Variants in GFRA1 observed in about 807,000 individuals in gnomAD.
The protein encoded by GFRA1 is GDNF family receptor alpha 1.
GFRA1 carries 16 observed loss-of-function variants against 51.6 expected under a neutral mutation model. The ratio of observed to expected loss-of-function variants is 0.31; its 90% confidence interval spans 0.21 to 0.47. GFRA1 has a LOEUF of 0.47. GFRA1 is among the 20% of genes least tolerant of loss of function. The pLI, the probability that GFRA1 is intolerant of heterozygous loss-of-function variation, is 1.00. For synonymous variants in GFRA1, 270 were observed against 241.3 expected (o/e 1.12, Z -1.10); for missense variants, 530 against 594.3 (o/e 0.89, Z 1.13).
intron 4 of GFRA1, among the ~76,000 whole-genome samples, chr10:116,237,192 T>C (rs1274236653): frequency 6.6e-6 from 1 of 152,350 alleles, no homozygotes; most frequent in Non-Finnish European, 1.5e-5. Context: ...TAGCAAGCTA[T>C]ACAAACTGCT....
chr10:116,138,038 T>C (rs1958406215), intron 5 of GFRA1, among the ~76,000 whole-genome samples: 1 of 152,098 alleles, frequency 6.6e-6, no homozygotes, highest in Non-Finnish European at 1.5e-5. Context: ...CGTGATCTCG[T>C]GATCTATCCG....
At chr10:116,092,820 T>A (rs1394903310) in intron 8 of GFRA1, among the ~76,000 whole-genome samples, 1 of 152,186 alleles carries the variant, frequency 6.6e-6, no homozygotes, top group East Asian at 1.9e-4. Context: ...TAGAGTGAGT[T>A]TGAACACACA....
chr10:116,187,015 A>C, intron 5 of GFRA1, among the ~76,000 whole-genome samples: 1 of 152,162 alleles, frequency 6.6e-6, no homozygotes, highest in Non-Finnish European at 1.5e-5. Flanking sequence ...TGGGAATTTT[A>C]ATGTTAAAAC....
intron 5 of GFRA1, among the ~76,000 whole-genome samples, chr10:116,126,530 G>A (rs1303408818): frequency 2.0e-5 from 3 of 152,390 alleles, no homozygotes; most frequent in South Asian, 2.1e-4. Flanking sequence ...GTCCCCAATA[G>A]AGGAATGTTT....
intron 5 of GFRA1, among the ~76,000 whole-genome samples, chr10:116,146,608 C>T (rs771570885): frequency 1.3e-5 from 2 of 152,170 alleles, no homozygotes; most frequent in Non-Finnish European, 2.9e-5. Context: ...GGAAGCCATC[C>T]ACCACTCCAC....
intron 6 of GFRA1, among the ~76,000 whole-genome samples, chr10:116,099,734 T>C (rs961964406): frequency 3.3e-5 from 5 of 152,174 alleles, no homozygotes; most frequent in Non-Finnish European, 7.3e-5. Context: ...GTCCTTGAAC[T>C]TATATAACCC....
chr10:116,271,869 C>T (rs1162707187), intron 2 of GFRA1, 121 bp downstream of exon 2: 5 of 813,846 alleles, frequency 6.1e-6, no homozygotes, highest in Non-Finnish European at 1.1e-5. Flanking sequence ...AAAGACACTT[C>T]TTCCTTCCAC....
Position 116,081,503 on chromosome 10 carries a change from A to G in GFRA1, c.1197+8238T>C, listed in dbSNP as rs530737064. ...TCGGTAATACAGTGTAGCCATTTAT[A>G]ATGGGGGCAGGGAGGAACACTGCTT... On this transcript the variant is annotated intron_variant, in intron 9 of 10. Coordinates refer to ENST00000355422, the MANE Select transcript of GFRA1 (RefSeq NM_005264.8). Among the ~76,000 whole-genome samples, 3 of 152,290 alleles carry G rather than the reference A, an allele frequency of 2.0e-5. No homozygotes were observed. The South Asian group carries it at 6.2e-4, about 32-fold the overall frequency.
At chr10:116,186,263 A>G (rs944054599) in intron 5 of GFRA1, among the ~76,000 whole-genome samples, 2 of 152,320 alleles carry the variant, frequency 1.3e-5, no homozygotes, top group Admixed American at 6.5e-5. Flanking sequence ...ACAGTCCCAG[A>G]CAACCTTGCC....
intron 5 of GFRA1, among the ~76,000 whole-genome samples, chr10:116,203,066 A>AG (rs1169907138): frequency 6.6e-6 from 1 of 152,096 alleles, no homozygotes; most frequent in Non-Finnish European, 1.5e-5. Flanking sequence ...AAATGAAGGC[A>AG]GGTATCAGGG....
chr10:116,144,959 G>C (rs1958731474), intron 5 of GFRA1, among the ~76,000 whole-genome samples: 1 of 151,580 alleles, frequency 6.6e-6, no homozygotes, highest in Admixed American at 6.6e-5. Flanking sequence ...GACCAACCTG[G>C]TCAACATGAC....
intron 4 of GFRA1, among the ~76,000 whole-genome samples, chr10:116,237,821 T>C (rs1163547239): frequency 6.6e-6 from 1 of 152,160 alleles, no homozygotes; most frequent in Non-Finnish European, 1.5e-5. Context: ...GCTTTGCCTT[T>C]GCTGGCCAAA....
intron 9 of GFRA1, among the ~76,000 whole-genome samples, chr10:116,084,715 A>G (rs2133849760): frequency 6.6e-6 from 1 of 151,956 alleles, no homozygotes; most frequent in South Asian, 2.1e-4. Context: ...ATGATGCAAA[A>G]TAGAGAATTT....
chr10:116,149,351 G>C (rs889247265), intron 5 of GFRA1, among the ~76,000 whole-genome samples: 2 of 152,138 alleles, frequency 1.3e-5, no homozygotes, highest in African/African-American at 2.4e-5. Context: ...GAGAAACAGG[G>C]ATTTTTAGCC....
intron 5 of GFRA1, among the ~76,000 whole-genome samples, chr10:116,199,880 G>A (rs2577378): frequency 2.0e-5 from 3 of 152,002 alleles, no homozygotes; most frequent in Non-Finnish European, 2.9e-5. Flanking sequence ...CAAGTCAATC[G>A]CTACTTTCAT....
At chr10:116,091,204 A>G (rs1308766424) in intron 8 of GFRA1, among the ~76,000 whole-genome samples, 2 of 152,204 alleles carry the variant, frequency 1.3e-5, no homozygotes, top group East Asian at 3.8e-4. Flanking sequence ...TCAGTTGTTC[A>G]CTTGCTCATT....
intron 4 of GFRA1, among the ~76,000 whole-genome samples, chr10:116,265,653 C>T (rs1161673409): frequency 1.3e-5 from 2 of 152,152 alleles, no homozygotes; most frequent in African/African-American, 2.4e-5. Context: ...AGATCTCGGC[C>T]GGGAGAGATG....
At chr10:116,155,507 C>T (rs894035011) in intron 5 of GFRA1, among the ~76,000 whole-genome samples, 2 of 152,114 alleles carry the variant, frequency 1.3e-5, no homozygotes, top group Admixed American at 1.3e-4. Flanking sequence ...GGCTTGTCTC[C>T]CACAACCCAG....
At chr10:116,218,764 T>G (rs768342670) in intron 4 of GFRA1, among the ~76,000 whole-genome samples, 9 of 152,182 alleles carry the variant, frequency 5.9e-5, no homozygotes, top group Non-Finnish European at 1.0e-4. Flanking sequence ...ACTCCGCATC[T>G]CCAGCCTTCT....
Sources: allele counts gnomAD v4.1 joint callset (sites outside exome capture counted in the v4.1 genomes callset), GRCh38; gene constraint gnomAD v4.1.1; transcripts MANE v1.5; gene names NCBI Gene and HGNC (gene_info 2026-07-23, HGNC 2026-07-21).